The following ANKS1B variants were observed in gnomAD, a reference collection of about 807,000 sequenced individuals.
ANKS1B encodes ankyrin repeat and sterile alpha motif domain containing 1B.
A neutral mutation model predicts 148.3 loss-of-function variants in ANKS1B; 36 were observed. The observed-to-expected ratio is 0.24, with a 90% CI of 0.19 to 0.32. ANKS1B has a LOEUF of 0.32. ANKS1B is among the 10% of genes least tolerant of loss of function. ANKS1B has a pLI of 1.00. For synonymous variants in ANKS1B, 542 were observed against 560.8 expected, an observed-to-expected ratio of 0.97 and a Z score of 0.47; for missense variants, 1,157 against 1,542.6, an observed-to-expected ratio of 0.75 and a Z score of 4.19.
At chr12:99,725,270 G>A (rs934168373) in intron 8 of ANKS1B, among the ~76,000 whole-genome samples, 1 of 152,112 alleles carries the variant, frequency 6.6e-6, no homozygotes, top group African/African-American at 2.4e-5. Context: ...CCAACTCATG[G>A]TCAAAGACAT....
intron 12 of ANKS1B, among the ~76,000 whole-genome samples, chr12:99,314,209 A>G (rs1268333411): frequency 6.6e-6 from 1 of 152,174 alleles, no homozygotes; most frequent in Non-Finnish European, 1.5e-5. Flanking sequence ...ACAGCTAACA[A>G]GGGATGTGAA....
intron 17 of ANKS1B, 142 bp from the exon 18 acceptor site, chr12:98,832,278 G>A (rs1392051766): frequency 1.5e-6 from 1 of 647,238 alleles, no homozygotes; most frequent in Non-Finnish European, 2.6e-6. Flanking sequence ...TGTGACCGCT[G>A]AAGTCCAGAA....
At chr12:99,342,172 TA>T (rs2090017281) in intron 12 of ANKS1B, among the ~76,000 whole-genome samples, 1 of 152,044 alleles carries the variant, frequency 6.6e-6, no homozygotes, top group South Asian at 2.1e-4. Context: ...AAGTATGCAT[TA>T]ATTAAACGCG....
chr12:99,568,473 G>A (rs547621690), intron 9 of ANKS1B, among the ~76,000 whole-genome samples: 81 of 152,292 alleles, frequency 5.3e-4, no homozygotes, highest in Non-Finnish European at 9.1e-4. Context: ...GCATTAAGAT[G>A]TGGGCATCTT....
intron 9 of ANKS1B, among the ~76,000 whole-genome samples, chr12:99,582,019 GACTA>G (rs2097575698): frequency 6.6e-6 from 1 of 150,976 alleles, no homozygotes; most frequent in South Asian, 2.1e-4. Flanking sequence ...TCAATAATAA[GACTA>G]ACTGGTTTTT....
intron 15 of ANKS1B, among the ~76,000 whole-genome samples, chr12:99,110,820 G>A (rs1258701013): frequency 6.6e-6 from 1 of 152,100 alleles, no homozygotes; most frequent in Non-Finnish European, 1.5e-5. Flanking sequence ...ATTTCAAGAA[G>A]GGAAAAAGCT....
At chr12:99,711,083 T>C (rs576663584) in intron 8 of ANKS1B, among the ~76,000 whole-genome samples, 9 of 152,254 alleles carry the variant, frequency 5.9e-5, no homozygotes, top group Admixed American at 2.6e-4. Flanking sequence ...CCAGCTCTGA[T>C]TGGATTTGTA....
At chr12:99,036,919 T>C (rs570362910) in intron 17 of ANKS1B, among the ~76,000 whole-genome samples, 1 of 152,386 alleles carries the variant, frequency 6.6e-6, no homozygotes, top group African/African-American at 2.4e-5. Flanking sequence ...GTTTATGTGT[T>C]GGACAGAATC....
chr12:99,709,997 A>C (rs1291517337), intron 8 of ANKS1B, among the ~76,000 whole-genome samples: 1 of 152,054 alleles, frequency 6.6e-6, no homozygotes, highest in Non-Finnish European at 1.5e-5. Context: ...GTAGCCTTAT[A>C]CCTTTAAATG....
chr12:98,807,446 G>T (rs2099059192), intron 20 of ANKS1B, among the ~76,000 whole-genome samples: 1 of 152,074 alleles, frequency 6.6e-6, no homozygotes, highest in African/African-American at 2.4e-5. Context: ...TAGACACAAA[G>T]GGTTGAAGAG....
intron 12 of ANKS1B, among the ~76,000 whole-genome samples, chr12:99,373,242 G>A (rs1321756285): frequency 6.6e-6 from 1 of 152,108 alleles, no homozygotes; most frequent in Non-Finnish European, 1.5e-5. Context: ...GCCATTATGT[G>A]CATGTAACTG....
At chr12:99,712,774 G>A (rs2056810810) in intron 8 of ANKS1B, among the ~76,000 whole-genome samples, 1 of 152,138 alleles carries the variant, frequency 6.6e-6, no homozygotes, top group Non-Finnish European at 1.5e-5. Context: ...GGAAAAAGGG[G>A]TCACTATTCC....
At chr12:99,681,193 C>A (rs1224829355) in intron 8 of ANKS1B, among the ~76,000 whole-genome samples, 2 of 152,112 alleles carry the variant, frequency 1.3e-5, no homozygotes, top group African/African-American at 4.8e-5. Flanking sequence ...TGCAGTTGAT[C>A]TCTCCTGAAA....
chr12:99,754,695 C>T (rs1001444545), intron 8 of ANKS1B, among the ~76,000 whole-genome samples: 1 of 152,126 alleles, frequency 6.6e-6, no homozygotes, highest in East Asian at 1.9e-4. Flanking sequence ...CTAAGAAATT[C>T]ACTCAAAGCC....
chr12:99,718,572 T>C (rs574891336), intron 8 of ANKS1B, among the ~76,000 whole-genome samples: 2 of 152,284 alleles, frequency 1.3e-5, no homozygotes, highest in South Asian at 2.1e-4. Flanking sequence ...CTATAAACTC[T>C]CCTTACAATT....
intron 12 of ANKS1B, among the ~76,000 whole-genome samples, chr12:99,264,400 T>G (rs2076232222): frequency 6.6e-6 from 1 of 152,172 alleles, no homozygotes; most frequent in Non-Finnish European, 1.5e-5. Flanking sequence ...CTTTACTGAC[T>G]TGGGTTTCTC....
At chr12:99,831,521 G>T (rs1372385567) in intron 1 of ANKS1B, among the ~76,000 whole-genome samples, 2 of 152,190 alleles carry the variant, frequency 1.3e-5, no homozygotes, top group African/African-American at 4.8e-5. Flanking sequence ...AGTGAGGGTA[G>T]TAAAAATTAT....
chr12:98,736,380 A>G (rs1046829409), intron 9 of ANKS1B, among the ~76,000 whole-genome samples: 1 of 152,202 alleles, frequency 6.6e-6, no homozygotes, highest in East Asian at 1.9e-4. Context: ...TGAGAGAGAC[A>G]AGAAAAGAAT....
At chr12:99,187,477 A>G (rs1374023163) in intron 14 of ANKS1B, among the ~76,000 whole-genome samples, 1 of 152,190 alleles carries the variant, frequency 6.6e-6, no homozygotes, top group East Asian at 1.9e-4. Context: ...ATCTGATAAG[A>G]CTAACAACGT....
Sources: allele counts gnomAD v4.1 joint callset (sites outside exome capture counted in the v4.1 genomes callset), GRCh38; gene constraint gnomAD v4.1.1; transcripts MANE v1.5; gene names NCBI Gene and HGNC (gene_info 2026-07-23, HGNC 2026-07-21).